The following KIF16B variants were observed in gnomAD, a reference collection of about 807,000 sequenced individuals.
KIF16B encodes kinesin-like protein KIF16B.
Under a neutral mutation model 156.3 loss-of-function variants are expected in KIF16B, and 98 were observed. That is an observed-to-expected ratio of 0.63 (90% CI 0.53 to 0.74). The LOEUF (loss-of-function observed/expected upper bound fraction) is 0.74, where lower values mean the gene tolerates loss of function less well. KIF16B is among the 30% of genes least tolerant of loss of function. The probability of loss-of-function intolerance (pLI) is 0.00; values close to 1 mark genes in which losing one functional copy is unlikely to be tolerated. For missense variants in KIF16B, 1,421 were observed against 1,606.5 expected, an observed-to-expected ratio of 0.88 and a Z score of 1.97; for synonymous variants, 564 against 583.7, an observed-to-expected ratio of 0.97 and a Z score of 0.49.
chr20:16,538,310 A>C (rs930389307), intron 1 of KIF16B, among the ~76,000 whole-genome samples: 1 of 152,208 alleles, frequency 6.6e-6, no homozygotes, highest in African/African-American at 2.4e-5. Context: ...CTCTCAGGTC[A>C]ATTTCCTCTG....
intron 23 of KIF16B, among the ~76,000 whole-genome samples, chr20:16,342,753 A>G (rs1348474052): frequency 1.3e-5 from 2 of 152,238 alleles, no homozygotes. Flanking sequence ...AACACATTTG[A>G]ATATCCCCTT....
At chr20:16,371,264 C>A (rs2064811520) in intron 21 of KIF16B, among the ~76,000 whole-genome samples, 1 of 152,138 alleles carries the variant, frequency 6.6e-6, no homozygotes, top group South Asian at 2.1e-4. Flanking sequence ...CCACCACTAC[C>A]ACCAAAAACT....
chr20:16,369,468 A>G (rs528986023), intron 22 of KIF16B, among the ~76,000 whole-genome samples: 1 of 152,224 alleles, frequency 6.6e-6, no homozygotes, highest in South Asian at 2.1e-4. Context: ...TCCATATTAT[A>G]TATATATTAT....
chr20:16,542,394 T>C (rs149425608), intron 1 of KIF16B, among the ~76,000 whole-genome samples: 1 of 152,128 alleles, frequency 6.6e-6, no homozygotes. Context: ...TGGTAAACAA[T>C]ACAGTCCCAG....
At chr20:16,518,895 C>T (rs2069233504) in intron 3 of KIF16B, among the ~76,000 whole-genome samples, 1 of 152,062 alleles carries the variant, frequency 6.6e-6, no homozygotes, top group Non-Finnish European at 1.5e-5. Context: ...GACCTGCCAG[C>T]CACTTCCTGT....
intron 23 of KIF16B, among the ~76,000 whole-genome samples, chr20:16,355,098 A>C (rs1022551337): frequency 6.6e-6 from 1 of 152,146 alleles, no homozygotes; most frequent in Non-Finnish European, 1.5e-5. Flanking sequence ...TTAGCTAGAA[A>C]AGAAGTTATT....
In KIF16B at chr20:16,379,855, T is replaced by A; in HGVS notation, c.2147A>T (p.Asn716Ile). The change falls in exon 19 of 26, where the codon AAC becomes ATC. Residue 716 changes from asparagine to isoleucine, a missense_variant. By Grantham distance (149) the Asn-to-Ile change is moderately radical (BLOSUM62 -3). Coordinates refer to ENST00000354981, the MANE Select transcript of KIF16B (RefSeq NM_024704.5). ...AAACTTCTCAGCCTTCTCGTTGTTG[T>A]TGAGTTCTTTGAGTCGTTGGAGTTC... ...QEELQRLKEL[N>I]NNEKAEKFQI... is the part of the protein sequence containing the mutation. 6.2e-7 allele frequency: 1 copy of A among 1,614,234 alleles called. No homozygotes were observed. The highest frequency in any genetic ancestry group is 8.5e-7 in the Non-Finnish European group (1 of 1,180,044).
At chr20:16,289,801 A>G (rs2063286902) in intron 25 of KIF16B, among the ~76,000 whole-genome samples, 1 of 152,244 alleles carries the variant, frequency 6.6e-6, no homozygotes, top group Non-Finnish European at 1.5e-5. Context: ...AGATTGAGCC[A>G]CTGCACTCCA....
chr20:16,346,947 G>A (rs188662550), intron 23 of KIF16B, among the ~76,000 whole-genome samples: 25 of 152,314 alleles, frequency 1.6e-4, no homozygotes, highest in Middle Eastern at 6.8e-3. Flanking sequence ...CAGTCATCAT[G>A]AGATAATAAA....
At chr20:16,467,354 C>A (rs1184390466) in intron 12 of KIF16B, among the ~76,000 whole-genome samples, 1 of 152,152 alleles carries the variant, frequency 6.6e-6, no homozygotes, top group Non-Finnish European at 1.5e-5. Context: ...CTCCTCTTAC[C>A]CAGTACATCA....
At chr20:16,363,893 T>C (rs577248179) in intron 22 of KIF16B, among the ~76,000 whole-genome samples, 40 of 152,218 alleles carry the variant, frequency 2.6e-4, no homozygotes, top group Non-Finnish European at 3.8e-4. Flanking sequence ...TCTGTCACAA[T>C]AGATATTCTA....
intron 12 of KIF16B, among the ~76,000 whole-genome samples, chr20:16,448,450 A>G (rs2066991901): frequency 6.6e-6 from 1 of 152,168 alleles, no homozygotes; most frequent in Non-Finnish European, 1.5e-5. Flanking sequence ...TAGACCACCT[A>G]GCCCAGTCCT....
At chr20:16,326,667 A>C (rs949270969) in intron 24 of KIF16B, among the ~76,000 whole-genome samples, 2 of 152,058 alleles carry the variant, frequency 1.3e-5, no homozygotes, top group Non-Finnish European at 2.9e-5. Context: ...AAAATCAAAA[A>C]AATAAAAGAT....
At chr20:16,533,385 C>T (rs1440449753) in intron 1 of KIF16B, among the ~76,000 whole-genome samples, 1 of 152,258 alleles carries the variant, frequency 6.6e-6, no homozygotes, top group South Asian at 2.1e-4. Flanking sequence ...GAATAGGAAC[C>T]TGCATTTTAA....
At chr20:16,502,993 T>C (rs546787154) in intron 10 of KIF16B, among the ~76,000 whole-genome samples, 1 of 152,266 alleles carries the variant, frequency 6.6e-6, no homozygotes, top group African/African-American at 2.4e-5. Context: ...GGCGGGCAGA[T>C]CACTTGAGGT....
At chr20:16,455,473 T>C (rs1267664740) in intron 12 of KIF16B, among the ~76,000 whole-genome samples, 3 of 152,098 alleles carry the variant, frequency 2.0e-5, no homozygotes. Context: ...AAACAAATAC[T>C]GACAAATAAA....
intron 15 of KIF16B, among the ~76,000 whole-genome samples, chr20:16,410,345 A>G (rs1389749709): frequency 3.4e-5 from 5 of 147,900 alleles, no homozygotes; most frequent in Admixed American, 1.4e-4. Flanking sequence ...ATGTGTGTGT[A>G]TATATATATA....
chr20:16,274,412 G>A (rs900040621), intron 25 of KIF16B, among the ~76,000 whole-genome samples: 3 of 152,162 alleles, frequency 2.0e-5, no homozygotes, highest in Admixed American at 1.3e-4. Context: ...AATCAGATGT[G>A]GGAGCTGGAG....
chr20:16,293,920 C>A (rs773207570), intron 25 of KIF16B, among the ~76,000 whole-genome samples: 15 of 151,648 alleles, frequency 9.9e-5, no homozygotes, highest in Non-Finnish European at 2.1e-4. Context: ...AGGAGAGGGG[C>A]TGCGGGGGGT....
Sources: gnomAD v4.1 joint callset for allele counts (sites outside exome capture counted in the v4.1 genomes callset) on GRCh38, gnomAD v4.1.1 for gene constraint, MANE v1.5 for transcripts, NCBI Gene and HGNC (gene_info 2026-07-23, HGNC 2026-07-21) for gene names.